The following NHLRC2 variants were observed in gnomAD, a reference collection of about 807,000 sequenced individuals.
NHLRC2 encodes NHL repeat-containing protein 2.
Under a neutral mutation model 68.1 loss-of-function variants are expected in NHLRC2, and 33 were observed. The observed-to-expected ratio is 0.48, with a 90% confidence interval of 0.37 to 0.65. The LOEUF (loss-of-function observed/expected upper bound fraction) is 0.65, where lower values mean the gene tolerates loss of function less well. NHLRC2 is among the 30% of genes least tolerant of loss of function. The pLI, the probability that NHLRC2 is intolerant of heterozygous loss-of-function variation, is 0.00. For missense variants in NHLRC2, 761 were observed against 853.8 expected (o/e 0.89, Z 1.35); for synonymous variants, 311 against 309.6 (o/e 1.00, Z -0.05).
chr10:113,862,047 A>AT (rs995982766), intron 2 of NHLRC2, among the ~76,000 whole-genome samples: 4 of 151,258 alleles, frequency 2.6e-5, no homozygotes, highest in East Asian at 3.9e-4. Context: ...TACTTTTTGT[A>AT]TTTTTTTTAG....
chr10:113,876,391 C>T (rs1007347014), intron 2 of NHLRC2, 130 bp from the exon 3 acceptor site: 17 of 534,490 alleles, frequency 3.2e-5, no homozygotes, highest in Middle Eastern at 9.8e-4. Flanking sequence ...AAGATCCCAG[C>T]GTAGTTCTAC....
At chr10:113,859,645 T>G (rs977603553) in intron 2 of NHLRC2, among the ~76,000 whole-genome samples, 1 of 152,216 alleles carries the variant, frequency 6.6e-6, no homozygotes, top group African/African-American at 2.4e-5. Flanking sequence ...TTTATCTGTA[T>G]GGATTTAAGA....
chr10:113,907,491 G>A (rs78000585), intron 10 of NHLRC2, among the ~76,000 whole-genome samples: 2,403 of 152,264 alleles, frequency 0.016, 35 homozygotes, highest in Non-Finnish European at 0.023. Context: ...TAGGCTGAAT[G>A]TCTGTATGTG....
chr10:113,874,157 A>T (rs1330485624), intron 2 of NHLRC2, among the ~76,000 whole-genome samples: 1 of 152,176 alleles, frequency 6.6e-6, no homozygotes, highest in African/African-American at 2.4e-5. Context: ...TTGTACTTAC[A>T]ACTTTAAAAA....
At chr10:113,894,279 A>G (rs1846158484) in intron 5 of NHLRC2, among the ~76,000 whole-genome samples, 1 of 152,196 alleles carries the variant, frequency 6.6e-6, no homozygotes, top group African/African-American at 2.4e-5. Flanking sequence ...TTCAATCAAG[A>G]TAAGTTGTAT....
In NHLRC2 at chr10:113,903,755, T is replaced by G; in HGVS notation, c.1704+19T>G. 1 of 1,352,048 alleles carries G rather than the reference T, an allele frequency of 7.4e-7. No individual in the cohort carries two copies. Among genetic ancestry groups the G allele is most frequent in the Non-Finnish European group, 1.1e-6 (1 of 944,222 alleles). The allele number at this position is 1,352,048 out of a possible 1,614,324, so 83.8% of individuals were successfully genotyped here. ...ATCTGTGGTAAGTAATTTTAAAATA[T>G]AAGTTAAAGAATGTGGTTTTAAGAA... On this transcript the variant is annotated intron_variant, in intron 9 of 10. Transcript: ENST00000369301.
chr10:113,904,737 C>A, intron 9 of NHLRC2, 80 bp from the exon 10 acceptor site: 1 of 1,037,414 alleles, frequency 9.6e-7, no homozygotes, highest in Non-Finnish European at 1.5e-6. Context: ...CATTATTCTA[C>A]TAAAGTCTAA....
intron 1 of NHLRC2, among the ~76,000 whole-genome samples, chr10:113,856,914 G>A (rs1321278424): frequency 6.6e-6 from 1 of 152,124 alleles, no homozygotes; most frequent in Admixed American, 6.5e-5. Context: ...GCAGTGTAAT[G>A]GATAGATTCA....
chr10:113,917,009 G>C lies in NHLRC2; in HGVS notation c.*8473G>C, dbSNP rs1846393198. ...GTACTTTTCAGTGACTTTTTCAAGT[G>C]CATGTGTTAACAGAAGATTGTTTGG... On this transcript the variant is annotated 3_prime_UTR_variant, in exon 11 of 11. Coordinates refer to ENST00000369301, the MANE Select transcript of NHLRC2 (RefSeq NM_198514.4). The C allele has an allele frequency of 6.6e-6, 1 of 152,162 alleles. No homozygotes were observed. The highest frequency in any genetic ancestry group is 2.1e-4 in the South Asian group (1 of 4,830). 9.4% of individuals were successfully genotyped at this position (152,162 alleles called of 1,614,324 possible).
At chr10:113,861,055 C>T (rs528895662) in intron 2 of NHLRC2, among the ~76,000 whole-genome samples, 1 of 152,202 alleles carries the variant, frequency 6.6e-6, no homozygotes, top group South Asian at 2.1e-4. Flanking sequence ...ATAAGTCATA[C>T]CCTCATAGGT....
chr10:113,879,691 GA>G lies in NHLRC2; in HGVS notation c.908del (p.Lys303ArgfsTer4). 6.8e-7 allele frequency: 1 copy of G among 1,467,796 alleles called. No homozygotes were observed. Among genetic ancestry groups the G allele is most frequent in the Non-Finnish European group, 9.3e-7 (1 of 1,077,774 alleles). The allele number at this position is 1,467,796 out of a possible 1,614,324, so 90.9% of individuals were successfully genotyped here. A position where few individuals can be genotyped will look rare whatever the true frequency, so the allele number is the denominator to read the frequency against. ...GCAGACACTGAAAACCACCTTATAA[GA>G]AAGGTAATTTTCATTTTAAATTTGT... Reference protein sequence around the residue: ...YVADTENHLIRKIDLEAEKVS... With the variant: ...YVADTENHLIXKIDLEAEKVS... On this transcript the variant is annotated frameshift_variant, in exon 4 of 11. Coordinates refer to ENST00000369301, the MANE Select transcript of NHLRC2 (RefSeq NM_198514.4). LOFTEE classifies it high-confidence loss of function.
rs1846363617 is a variant in NHLRC2, at chr10:113,914,570, T to C, written c.*6034T>C. ...TGCAGACTTAACTTTTCATTCTTAG[T>C]GTGCTAATTAAGTAGTAGTATGGTG... On this transcript the variant is annotated 3_prime_UTR_variant, in exon 11 of 11. Coordinates refer to ENST00000369301, the MANE Select transcript of NHLRC2 (RefSeq NM_198514.4). 2 of 189,866 alleles carry C rather than the reference T, an allele frequency of 1.1e-5. No individual in the cohort carries two copies. The highest frequency in any genetic ancestry group is 2.2e-5 in the Non-Finnish European group (2 of 91,580). 11.8% of individuals were successfully genotyped at this position (189,866 alleles called of 1,614,324 possible).
intron 1 of NHLRC2, among the ~76,000 whole-genome samples, chr10:113,857,720 T>C (rs1845773108): frequency 6.6e-6 from 1 of 152,064 alleles, no homozygotes; most frequent in African/African-American, 2.4e-5. Flanking sequence ...AGAGCTTTCT[T>C]TTTTTGGAGG....
rs1404435991 is a variant in NHLRC2 at position 113,854,988 on chromosome 10, A to G, written c.116A>G (p.Tyr39Cys). 7.7e-6 allele frequency: 12 copies of G among 1,553,332 alleles called. No homozygotes were observed. The highest frequency in any genetic ancestry group is 2.0e-5 in the Admixed American group (1 of 51,240). ...VTQQEKDSLV[Y>C]QYLQKVDGWE... is the part of the protein sequence containing the mutation. ...CAGCAGGAGAAGGACAGCCTGGTCT[A>G]CCAGTATCTGCAGAAGGTGGACGGC... The change falls in exon 1 of 11, where the codon TAC (tyrosine) becomes TGC (cysteine). Residue 39 changes from tyrosine (Y) to cysteine (C), a missense_variant. By Grantham distance (194) the Tyr-to-Cys change is radical. Transcript: ENST00000369301.
intron 2 of NHLRC2, among the ~76,000 whole-genome samples, chr10:113,863,057 A>G (rs543350259): frequency 2.0e-5 from 3 of 152,310 alleles, no homozygotes; most frequent in South Asian, 2.1e-4. Flanking sequence ...GACAAAATAT[A>G]TGAACAAAAA....
chr10:113,894,691 G>A (rs918364041), intron 5 of NHLRC2, among the ~76,000 whole-genome samples: 3 of 151,988 alleles, frequency 2.0e-5, no homozygotes, highest in African/African-American at 7.2e-5. Context: ...TAAGTAGGAT[G>A]TTTGCTGTGA....
intron 10 of NHLRC2, among the ~76,000 whole-genome samples, chr10:113,907,548 C>T (rs1160184816): frequency 5.3e-5 from 8 of 152,022 alleles, no homozygotes; most frequent in Non-Finnish European, 1.0e-4. Flanking sequence ...AAGAGAAAGT[C>T]GAGATGAATA....
intron 5 of NHLRC2, among the ~76,000 whole-genome samples, chr10:113,894,960 A>G (rs574504279): frequency 6.6e-6 from 1 of 152,280 alleles, no homozygotes; most frequent in South Asian, 2.1e-4. Flanking sequence ...TACATAATAT[A>G]AATATAGAGA....
chr10:113,858,892 A>G (rs1393828269), intron 2 of NHLRC2: 8 of 382,220 alleles, frequency 2.1e-5, no homozygotes, highest in Non-Finnish European at 3.7e-5. Flanking sequence ...ACCAGCATTT[A>G]GTATATGGTT....
Sources: allele counts gnomAD v4.1 joint callset (sites outside exome capture counted in the v4.1 genomes callset), GRCh38; gene constraint gnomAD v4.1.1; transcripts MANE v1.5; gene names NCBI Gene and HGNC (gene_info 2026-07-23, HGNC 2026-07-21).